The following ZXDB variants were observed in gnomAD, a reference collection of about 807,000 sequenced individuals.
ZXDB encodes the protein zinc finger X-linked protein ZXDB.
For missense variants in ZXDB, 413 were observed against 679.1 expected, an observed-to-expected ratio of 0.61 and a Z score of 4.36; for synonymous variants, 273 against 314.3, an observed-to-expected ratio of 0.87 and a Z score of 1.39.
rs2057894523 is a variant in ZXDB at position 57,592,225 on chromosome X, C to G, written c.177C>G (p.Arg59=). ...AAGATGGCGGGCCCGGGCGGCGGCG[C>G]GAGGAGGCCAGCACGGCATCACGGG... ...GPQDGGPGRR[R]EEASTASRGP... is the part of the protein sequence containing the mutation. Residue 59 remains arginine (R), a synonymous_variant, in exon 1 of 1, where the codon CGC becomes CGG. Coordinates refer to ENST00000374888, the MANE Select transcript of ZXDB (RefSeq NM_007157.4). 1.8e-6 allele frequency: 2 copies of G among 1,093,908 alleles called. No homozygotes were observed. Among genetic ancestry groups the G allele is most frequent in the Admixed American group, 3.9e-5 (1 of 25,407 alleles). 90.2% of individuals were successfully genotyped at this position (1,093,908 alleles called of 1,213,427 possible).
chrX:57,595,635 T>G lies in ZXDB; in HGVS notation c.*1175T>G, dbSNP rs949201809. On this transcript the variant is annotated 3_prime_UTR_variant, in exon 1 of 1. Transcript: ENST00000374888. Reference sequence around the variant, plus strand: ...TTCAATGCCAAAATATTTTCTTAAATAGTCATAGAACTAACAAGAAAAAAT... The same window carrying G: ...TTCAATGCCAAAATATTTTCTTAAAGAGTCATAGAACTAACAAGAAAAAAT... 7 of 123,684 alleles carry G rather than the reference T, an allele frequency of 5.7e-5. No individual in the cohort carries two copies. Among genetic ancestry groups the G allele is most frequent in the African/African-American group, 2.3e-4 (7 of 30,921 alleles). 10.2% of individuals were successfully genotyped at this position (123,684 alleles called of 1,213,427 possible).
In ZXDB at chrX:57,597,017, G is replaced by A. The variant is rs1239049841; in HGVS notation, c.*2557G>A. 3 of 123,671 alleles carry A rather than the reference G, an allele frequency of 2.4e-5. No individual in the cohort carries two copies. In the East Asian group the frequency reaches 8.4e-4, roughly 34 times the overall value. 10.2% of individuals were successfully genotyped at this position (123,671 alleles called of 1,213,427 possible). A position where few individuals can be genotyped will look rare whatever the true frequency, so the allele number is the denominator to read the frequency against. Reference sequence around the variant, plus strand: ...CCGTTTTAAAAGTTTTTGCCAGAGAGTTTTGCTAAATACTCTCTTATTTGC... The same window carrying A: ...CCGTTTTAAAAGTTTTTGCCAGAGAATTTTGCTAAATACTCTCTTATTTGC... On this transcript the variant is annotated 3_prime_UTR_variant, in exon 1 of 1. Coordinates refer to ENST00000374888, the MANE Select transcript of ZXDB (RefSeq NM_007157.4).
chrX:57,595,838 C>T lies in ZXDB; in HGVS notation c.*1378C>T, dbSNP rs1432579513. The T allele has an allele frequency of 2.1e-4, 26 of 123,056 alleles. No homozygotes were observed. The highest frequency in any genetic ancestry group is 1.9e-5 in the Non-Finnish European group (1 of 53,217). The allele number at this position is 123,056 out of a possible 1,213,427, so 10.1% of individuals were successfully genotyped here. A position where few individuals can be genotyped will look rare whatever the true frequency, so the allele number is the denominator to read the frequency against. ...CTTGAATAAATTAGTTATTAAGCTT[C>T]AGTTTTCTAGCTTTTAACTGATTAT... On this transcript the variant is annotated 3_prime_UTR_variant, in exon 1 of 1. Coordinates refer to ENST00000374888, the MANE Select transcript of ZXDB (RefSeq NM_007157.4).
In ZXDB at chrX:57,592,176, G is replaced by C. The variant is rs2057894216; in HGVS notation, c.128G>C (p.Arg43Pro). 2 of 1,052,149 alleles carry C rather than the reference G, an allele frequency of 1.9e-6. No homozygotes were observed. Among genetic ancestry groups the C allele is most frequent in the African/African-American group, 2.0e-5 (1 of 50,912 alleles). The allele number at this position is 1,052,149 out of a possible 1,213,427, so 86.7% of individuals were successfully genotyped here. Residue 43 changes from arginine (R) to proline (P), a missense_variant, in exon 1 of 1, where the codon CGC (arginine) becomes CCC (proline). Physicochemically the swap from Arg to Pro is moderately radical, Grantham distance 103 (BLOSUM62 -2). Coordinates refer to ENST00000374888, the MANE Select transcript of ZXDB (RefSeq NM_007157.4). ...DSPAGQVPTR[R>P]LLLLRGPQDG... ...CCGGCTGGCCAGGTCCCCACGCGCC[G>C]CCTCCTGCTGCTCCGGGGCCCCCAA...
Position 57,594,481 on chromosome X carries a change from A to C in ZXDB, c.*21A>C. 1.7e-6 allele frequency: 2 copies of C among 1,175,690 alleles called. No individual in the cohort carries two copies. Among genetic ancestry groups the C allele is most frequent in the African/African-American group, 1.8e-5 (1 of 56,511 alleles). On this transcript the variant is annotated 3_prime_UTR_variant, in exon 1 of 1. Transcript: ENST00000374888. Reference sequence around the variant, plus strand: ...TATGAACCAACTCTATTCATTCCTCATCATGTGGCTTACTTTTATTACAGT... The same window carrying C: ...TATGAACCAACTCTATTCATTCCTCCTCATGTGGCTTACTTTTATTACAGT...
At position 57,594,423 on chromosome X, in the gene ZXDB, ATCT is replaced by A. The variant is rs1328667757; in HGVS notation, c.2377_2379del (p.Leu793del). On this transcript the variant is annotated inframe_deletion, in exon 1 of 1. Transcript: ENST00000374888. ...AACCATGGTTCTCAGAAAGAAACAG[ATCT>A]TATCACTGTGACTGGCAGCTCATTT... 75 of 1,208,469 alleles carry A rather than the reference ATCT, an allele frequency of 6.2e-5. 1 individual carries two copies. The East Asian group carries it at 2.2e-3, about 35-fold the overall frequency.
In ZXDB at chrX:57,592,535, G is replaced by C. The variant is rs781087510; in HGVS notation, c.487G>C (p.Ala163Pro). The C allele has an allele frequency of 4.2e-5, 50 of 1,183,606 alleles. No individual in the cohort carries two copies. Among genetic ancestry groups the C allele is most frequent in the Non-Finnish European group, 5.5e-5 (49 of 883,581 alleles). Reference sequence around the variant, plus strand: ...CCCGATCTCCGCCCCCGGCCCCGCCGCGGCCTTCGCGGGCACAGTCACTAT... The same window carrying C: ...CCCGATCTCCGCCCCCGGCCCCGCCCCGGCCTTCGCGGGCACAGTCACTAT... ...PAPISAPGPA[A>P]AFAGTVTIHN... The change falls in exon 1 of 1, where the codon GCG (alanine) becomes CCG (proline). Residue 163 changes from alanine to proline, a missense_variant. By Grantham distance (27) the Ala-to-Pro change is conservative. Coordinates refer to ENST00000374888, the MANE Select transcript of ZXDB (RefSeq NM_007157.4).
rs753244521 is a variant in ZXDB at position 57,593,151 on chromosome X, T to G, written c.1103T>G (p.Val368Gly). The G allele has an allele frequency of 1.6e-5, 19 of 1,210,001 alleles. No individual in the cohort carries two copies. In the East Asian group the frequency reaches 4.7e-4, roughly 30 times the overall value. ...HEQENSFKCE[V>G]CEESFPTQAK... ...CAGGAGAACTCATTCAAATGCGAGG[T>G]GTGCGAGGAGAGCTTCCCCACGCAG... is the stretch of plus-strand genomic sequence containing the variant. Residue 368 changes from valine (V) to glycine (G), a missense_variant, in exon 1 of 1, where the codon GTG becomes GGG. Coordinates refer to ENST00000374888, the MANE Select transcript of ZXDB (RefSeq NM_007157.4).
At position 57,592,726 on chromosome X, in the gene ZXDB, G is replaced by C; in HGVS notation, c.678G>C (p.Glu226Asp). 9.4e-6 allele frequency: 11 copies of C among 1,171,486 alleles called. No homozygotes were observed. The highest frequency in any genetic ancestry group is 1.3e-5 in the Non-Finnish European group (11 of 878,516). The change falls in exon 1 of 1, where the codon GAG becomes GAC. Residue 226 changes from glutamate (E) to aspartate (D), a missense_variant. Physicochemically the swap from Glu to Asp is conservative, Grantham distance 45 (BLOSUM62 2). Transcript: ENST00000374888. ...CCGCGCACCCGGGTGACTGCCCAGA[G>C]CTGCCGCCAGACCTCCTGCTAGCTG... The part of the protein sequence containing the change: ...PHAAHPGDCP[E>D]LPPDLLLAEP...
Position 57,592,226 on chromosome X carries a change from G to A in ZXDB, c.178G>A (p.Glu60Lys), listed in dbSNP as rs765596613. 1.8e-6 allele frequency: 2 copies of A among 1,100,095 alleles called. No individual in the cohort carries two copies. Among genetic ancestry groups the A allele is most frequent in the South Asian group, 2.3e-5 (1 of 43,908 alleles). The allele number at this position is 1,100,095 out of a possible 1,213,427, so 90.7% of individuals were successfully genotyped here. A position where few individuals can be genotyped will look rare whatever the true frequency, so the allele number is the denominator to read the frequency against. ...PQDGGPGRRR[E>K]EASTASRGPG... Reference sequence around the variant, plus strand: ...AGATGGCGGGCCCGGGCGGCGGCGCGAGGAGGCCAGCACGGCATCACGGGG... The same window carrying A: ...AGATGGCGGGCCCGGGCGGCGGCGCAAGGAGGCCAGCACGGCATCACGGGG... Residue 60 changes from glutamate (E) to lysine (K), a missense_variant, in exon 1 of 1, where the codon GAG becomes AAG. By Grantham distance (56) the Glu-to-Lys change is moderately conservative. Transcript: ENST00000374888.
chrX:57,593,876 C>G lies in ZXDB; in HGVS notation c.1828C>G (p.Leu610Val). The G allele has an allele frequency of 8.4e-7, 1 of 1,192,816 alleles. No individual in the cohort carries two copies. The highest frequency in any genetic ancestry group is 1.8e-5 in the South Asian group (1 of 55,814). ...TCTCAGTGATGCAGAGATAGTGTCT[C>G]TCTTCTCTGATGTACCTGACAGTAC... ...NDLSDAEIVS[L>V]FSDVPDSTSA... Residue 610 changes from leucine to valine, a missense_variant, in exon 1 of 1, where the codon CTC (leucine) becomes GTC (valine). Leu to Val is a conservative substitution (Grantham distance 32). Coordinates refer to ENST00000374888, the MANE Select transcript of ZXDB (RefSeq NM_007157.4).
In ZXDB at chrX:57,593,762, C is replaced by A. The variant is rs753997487; in HGVS notation, c.1714C>A (p.His572Asn). 1.5e-5 allele frequency: 18 copies of A among 1,207,854 alleles called. No homozygotes were observed. Among genetic ancestry groups the A allele is most frequent in the Non-Finnish European group, 1.8e-5 (16 of 894,485 alleles). ...HSMKTHMVKR[H>N]KVGQDLLAQL... ...CATGAAGACGCACATGGTTAAAAGG[C>A]ATAAGGTGGGCCAGGATCTCTTAGC... Residue 572 changes from histidine (H) to asparagine (N), a missense_variant, in exon 1 of 1, where the codon CAT becomes AAT. His to Asn is a moderately conservative substitution (Grantham distance 68). Transcript: ENST00000374888.
Position 57,592,732 on chromosome X carries a change from G to A in ZXDB, c.684G>A (p.Pro228=), listed in dbSNP as rs765164993. The A allele has an allele frequency of 8.5e-7, 1 of 1,170,201 alleles. No individual in the cohort carries two copies. Among genetic ancestry groups the A allele is most frequent in the African/African-American group, 1.8e-5 (1 of 55,391 alleles). The change falls in exon 1 of 1, where the codon CCG becomes CCA. Residue 228 remains proline, a synonymous_variant. Coordinates refer to ENST00000374888, the MANE Select transcript of ZXDB (RefSeq NM_007157.4). The part of the protein sequence containing the change: ...AAHPGDCPEL[P]PDLLLAEPAE... ...ACCCGGGTGACTGCCCAGAGCTGCC[G>A]CCAGACCTCCTGCTAGCTGAGCCGG...
Position 57,594,714 on chromosome X carries a change from G to T in ZXDB, c.*254G>T. The T allele has an allele frequency of 3.2e-6, 1 of 313,774 alleles. No homozygotes were observed. Among genetic ancestry groups the T allele is most frequent in the Admixed American group, 5.6e-5 (1 of 17,912 alleles). The allele number at this position is 313,774 out of a possible 1,213,427, so 25.9% of individuals were successfully genotyped here. A position where few individuals can be genotyped will look rare whatever the true frequency, so the allele number is the denominator to read the frequency against. ...TAAATTGAGGTGGTTTGAATAGATTGCTTTTAAGGTCTTTCTGCTCTGTGA... is the reference window on the plus strand; with the variant it reads ...TAAATTGAGGTGGTTTGAATAGATTTCTTTTAAGGTCTTTCTGCTCTGTGA... On this transcript the variant is annotated 3_prime_UTR_variant, in exon 1 of 1. Coordinates refer to ENST00000374888, the MANE Select transcript of ZXDB (RefSeq NM_007157.4).
chrX:57,592,410 C>T lies in ZXDB; in HGVS notation c.362C>T (p.Ala121Val), dbSNP rs2057896060. The change falls in exon 1 of 1, where the codon GCC (alanine) becomes GTC (valine). Residue 121 changes from alanine to valine, a missense_variant. By Grantham distance (64) the Ala-to-Val change is moderately conservative. Coordinates refer to ENST00000374888, the MANE Select transcript of ZXDB (RefSeq NM_007157.4). ...QAAGPVLREE[A>V]EEGPGLQGGE... Reference sequence around the variant, plus strand: ...GCAGGGCCTGTGTTGAGGGAGGAGGCCGAGGAGGGCCCGGGGCTCCAGGGG... The same window carrying T: ...GCAGGGCCTGTGTTGAGGGAGGAGGTCGAGGAGGGCCCGGGGCTCCAGGGG... 6 of 1,170,479 alleles carry T rather than the reference C, an allele frequency of 5.1e-6. No homozygotes were observed. The highest frequency in any genetic ancestry group is 5.7e-6 in the Non-Finnish European group (5 of 879,651).
At position 57,593,688 on chromosome X, in the gene ZXDB, G is replaced by A. The variant is rs746023654; in HGVS notation, c.1640G>A (p.Ser547Asn). The part of the protein sequence containing the change: ...KHLQDVDTWK[S>N]RCPISSCNKL... ...CTGCAGGATGTGGACACTTGGAAAA[G>A]CCGTTGCCCGATCTCCTCTTGTAAT... is the stretch of plus-strand genomic sequence containing the variant. Residue 547 changes from serine (S) to asparagine (N), a missense_variant, in exon 1 of 1, where the codon AGC (serine) becomes AAC (asparagine). By Grantham distance (46) the Ser-to-Asn change is conservative. Transcript: ENST00000374888. The A allele has an allele frequency of 6.6e-6, 8 of 1,203,910 alleles. No individual in the cohort carries two copies. Among genetic ancestry groups the A allele is most frequent in the South Asian group, 3.5e-5 (2 of 56,392 alleles).
rs762327703 is a variant in ZXDB at position 57,592,426 on chromosome X, G to T, written c.378G>T (p.Gly126=). Residue 126 remains glycine (G), a synonymous_variant, in exon 1 of 1, where the codon GGG becomes GGT. Transcript: ENST00000374888. ...GGGAGGAGGCCGAGGAGGGCCCGGG[G>T]CTCCAGGGGGGCGAGAGCGGCGCGA... ...VLREEAEEGP[G]LQGGESGANP... is the part of the protein sequence containing the mutation. The T allele has an allele frequency of 1.7e-6, 2 of 1,161,354 alleles. No homozygotes were observed. Among genetic ancestry groups the T allele is most frequent in the South Asian group, 3.9e-5 (2 of 51,912 alleles).
Position 57,594,338 on chromosome X carries a change from G to C in ZXDB, c.2290G>C (p.Asp764His), listed in dbSNP as rs1057341. The part of the protein sequence containing the change: ...PTKAEWNVHP[D>H]SDFFGQEGET... ...CAAAGCGGAGTGGAACGTACATCCT[G>C]ACTCTGACTTCTTTGGACAGGAGGG... is the stretch of plus-strand genomic sequence containing the variant. The change falls in exon 1 of 1, where the codon GAC (aspartate) becomes CAC (histidine). Residue 764 changes from aspartate (D) to histidine (H), a missense_variant. By Grantham distance (81) the Asp-to-His change is moderately conservative (BLOSUM62 -1). Transcript: ENST00000374888. 2 of 1,209,968 alleles carry C rather than the reference G, an allele frequency of 1.7e-6. No homozygotes were observed. The highest frequency in any genetic ancestry group is 2.2e-6 in the Non-Finnish European group (2 of 895,277).
Position 57,592,153 on chromosome X carries a change from G to C in ZXDB, c.105G>C (p.Pro35=), listed in dbSNP as rs774034280. ...GGRVHRGPDS[P]AGQVPTRRLL... ...GAGTCCACCGAGGCCCTGACTCGCC[G>C]GCTGGCCAGGTCCCCACGCGCCGCC... Residue 35 remains proline (P), a synonymous_variant, in exon 1 of 1, where the codon CCG becomes CCC. Coordinates refer to ENST00000374888, the MANE Select transcript of ZXDB (RefSeq NM_007157.4). 9.6e-6 allele frequency: 10 copies of C among 1,046,351 alleles called. No individual in the cohort carries two copies. Among genetic ancestry groups the C allele is most frequent in the Non-Finnish European group, 9.7e-6 (8 of 820,801 alleles). 86.2% of individuals were successfully genotyped at this position (1,046,351 alleles called of 1,213,427 possible).
Sources: gnomAD v4.1 joint callset for allele counts on GRCh38, gnomAD v4.1.1 for gene constraint, MANE v1.5 for transcripts, NCBI Gene and HGNC (gene_info 2026-07-23, HGNC 2026-07-21) for gene names.